Variants in ZBTB22 observed in about 807,000 individuals in gnomAD.
The protein encoded by ZBTB22 is zinc finger and BTB domain-containing protein 22.
For missense variants in ZBTB22, 668 were observed against 834.1 expected (o/e 0.80, Z 2.45); for synonymous variants, 356 against 347.3 (o/e 1.03, Z -0.28).
In ZBTB22 at chr6:33,314,918, G is replaced by A. The variant is rs532722200; in HGVS notation, c.*94C>T. ...CCACAGAGATAAAGGAAGACAGTAA[G>A]TGTGGTGGGAGATCACCCGGGGGCC... On this transcript the variant is annotated 3_prime_UTR_variant, in exon 2 of 2. Coordinates refer to ENST00000431845, the MANE Select transcript of ZBTB22 (RefSeq NM_005453.5). The A allele has an allele frequency of 1.5e-5, 22 of 1,501,212 alleles. No individual in the cohort carries two copies. In the East Asian group the frequency reaches 2.1e-4, roughly 14 times the overall value. 93.0% of individuals were successfully genotyped at this position (1,501,212 alleles called of 1,614,324 possible).
rs1205974326 is a variant in ZBTB22, at chr6:33,315,154, G to A, written c.1763C>T (p.Ser588Phe). ...GCCCACTCCGGGAGACTCTCTCTTG[G>A]ACGGCAAGGATGGCCCCGTGGGAGT... ...PGTPTGPSLP[S>F]KRESPGVGGG... Residue 588 changes from serine to phenylalanine, a missense_variant, in exon 2 of 2, where the codon TCC becomes TTC. By Grantham distance (155) the Ser-to-Phe change is radical (BLOSUM62 -2). Transcript: ENST00000431845. The surrounding 1 kb of genome is among the most constrained non-coding windows in gnomAD (Gnocchi z 5.4). 1 of 1,613,170 alleles carries A rather than the reference G, an allele frequency of 6.2e-7. No homozygotes were observed. Among genetic ancestry groups the A allele is most frequent in the Non-Finnish European group, 8.5e-7 (1 of 1,179,520 alleles).
chr6:33,315,446 C>T lies in ZBTB22; in HGVS notation c.1471G>A (p.Gly491Arg). The change falls in exon 2 of 2, where the codon GGG becomes AGG. Residue 491 changes from glycine (G) to arginine (R), a missense_variant. Gly to Arg is a moderately radical substitution (Grantham distance 125, BLOSUM62 -2). Transcript: ENST00000431845. This position sits in a 1 kb window ranked among gnomAD's most constrained non-coding sequence, Gnocchi z 5.4. The stretch of plus-strand genomic sequence containing the variant: ...ATGCTCTTGTGGGAGAAGGCCTTCC[C>T]ACAATGGCACAGAAAGATCTTATTC... Reference protein sequence around the residue: ...DGNKIFLCHCGKAFSHKSMRD... With the variant: ...DGNKIFLCHCRKAFSHKSMRD... 6.2e-7 allele frequency: 1 copy of T among 1,614,138 alleles called. No homozygotes were observed. The highest frequency in any genetic ancestry group is 8.5e-7 in the Non-Finnish European group (1 of 1,180,020).
intron 1 of ZBTB22, 60 bp from the exon 2 acceptor site, chr6:33,317,045 A>G (rs935231280): frequency 2.6e-6 from 3 of 1,173,970 alleles, no homozygotes; most frequent in Non-Finnish European, 3.5e-6. Context: ...GCCCGTTACA[A>G]CTCAAAAATA....
rs899495466 is a variant in ZBTB22 at position 33,314,958 on chromosome 6, T to C, written c.*54A>G. 4.6e-6 allele frequency: 7 copies of C among 1,514,304 alleles called. No homozygotes were observed. In the African/African-American group the frequency reaches 7.0e-5, roughly 15 times the overall value. 93.8% of individuals were successfully genotyped at this position (1,514,304 alleles called of 1,614,324 possible). A position where few individuals can be genotyped will look rare whatever the true frequency, so the allele number is the denominator to read the frequency against. Reference sequence around the variant, plus strand: ...ACCCGGGGGCCACAGCGCCCTTGCATCGTGCTCCTTATTCCCTTTCCCGAA... The same window carrying C: ...ACCCGGGGGCCACAGCGCCCTTGCACCGTGCTCCTTATTCCCTTTCCCGAA... On this transcript the variant is annotated 3_prime_UTR_variant, in exon 2 of 2. Transcript: ENST00000431845.
chr6:33,314,864 G>T lies in ZBTB22; in HGVS notation c.*148C>A. The T allele has an allele frequency of 7.2e-7, 1 of 1,393,282 alleles. No homozygotes were observed. Among genetic ancestry groups the T allele is most frequent in the Non-Finnish European group, 9.4e-7 (1 of 1,062,826 alleles). The allele number at this position is 1,393,282 out of a possible 1,614,324, so 86.3% of individuals were successfully genotyped here. On this transcript the variant is annotated 3_prime_UTR_variant, in exon 2 of 2. Transcript: ENST00000431845. ...AGAATGGGCGGGCGATGGTGAAACT[G>T]TGGTTCCCCTTCCAGAATATATACA... is the stretch of plus-strand genomic sequence containing the variant.
In ZBTB22 at chr6:33,316,887, C is replaced by T; in HGVS notation, c.30G>A (p.Gly10=). Residue 10 remains glycine (G), a synonymous_variant, in exon 2 of 2, where the codon GGG becomes GGA. Coordinates refer to ENST00000431845, the MANE Select transcript of ZBTB22 (RefSeq NM_005453.5). The surrounding 1 kb of genome is among the most constrained non-coding windows in gnomAD (Gnocchi z 7.2). The part of the protein sequence containing the change: MEPSPLSPS[G]AALPLPLSLA... The stretch of plus-strand genomic sequence containing the variant: ...GCGACAGCGGCAGGGGAAGTGCTGC[C>T]CCACTGGGAGACAGAGGAGATGGCT... 1 of 1,609,678 alleles carries T rather than the reference C, an allele frequency of 6.2e-7. No individual in the cohort carries two copies. The highest frequency in any genetic ancestry group is 1.1e-5 in the South Asian group (1 of 90,568).
In ZBTB22 at chr6:33,316,127, G is replaced by A. The variant is rs763084300; in HGVS notation, c.790C>T (p.Leu264=). The change falls in exon 2 of 2, where the codon CTG becomes TTG. Residue 264 remains leucine (L), a synonymous_variant. Transcript: ENST00000431845. This position sits in a 1 kb window ranked among gnomAD's most constrained non-coding sequence, Gnocchi z 7.2. ...SGKLLLEADE[L]CDDGGDGRGA... is the part of the protein sequence containing the mutation. ...CTCCCATCCCCACCATCATCGCACAGCTCATCTGCCTCCAGCAGCAGCTTT... is the reference window on the plus strand; with the variant it reads ...CTCCCATCCCCACCATCATCGCACAACTCATCTGCCTCCAGCAGCAGCTTT... 1 of 1,613,524 alleles carries A rather than the reference G, an allele frequency of 6.2e-7. No homozygotes were observed. Among genetic ancestry groups the A allele is most frequent in the Admixed American group, 1.7e-5 (1 of 60,022 alleles).
At chr6:33,317,467 T>G (rs1400588061) in intron 1 of ZBTB22, among the ~76,000 whole-genome samples, 186 bp downstream of exon 1, 2 of 107,136 alleles carry the variant, frequency 1.9e-5, no homozygotes, top group African/African-American at 7.3e-5. Flanking sequence ...TCGCCCCAGC[T>G]TCTCTAGCCC....
At position 33,317,068 on chromosome 6, in the gene ZBTB22, T is replaced by C; in HGVS notation, c.-69-83A>G. ...CAACTCAAAAATATGTTCACGCTCA[T>C]TATCTGTGTAACTCCCCACAACAGT... is the stretch of plus-strand genomic sequence containing the variant. On this transcript the variant is annotated intron_variant, in intron 1 of 1. Transcript: ENST00000431845. 7 of 957,156 alleles carry C rather than the reference T, an allele frequency of 7.3e-6. No individual in the cohort carries two copies. In the South Asian group the frequency reaches 1.1e-4, roughly 15 times the overall value. The allele number at this position is 957,156 out of a possible 1,614,324, so 59.3% of individuals were successfully genotyped here. A position where few individuals can be genotyped will look rare whatever the true frequency, so the allele number is the denominator to read the frequency against.
chr6:33,314,918 G>C lies in ZBTB22; in HGVS notation c.*94C>G. 2.0e-6 allele frequency: 3 copies of C among 1,501,212 alleles called. No individual in the cohort carries two copies. Among genetic ancestry groups the C allele is most frequent in the Non-Finnish European group, 2.7e-6 (3 of 1,124,718 alleles). The allele number at this position is 1,501,212 out of a possible 1,614,324, so 93.0% of individuals were successfully genotyped here. ...CCACAGAGATAAAGGAAGACAGTAAGTGTGGTGGGAGATCACCCGGGGGCC... is the reference window on the plus strand; with the variant it reads ...CCACAGAGATAAAGGAAGACAGTAACTGTGGTGGGAGATCACCCGGGGGCC... On this transcript the variant is annotated 3_prime_UTR_variant, in exon 2 of 2. Coordinates refer to ENST00000431845, the MANE Select transcript of ZBTB22 (RefSeq NM_005453.5).
Position 33,315,586 on chromosome 6 carries a change from G to T in ZBTB22, c.1331C>A (p.Pro444Gln), listed in dbSNP as rs112804383. The change falls in exon 2 of 2, where the codon CCA (proline) becomes CAA (glutamine). Residue 444 changes from proline to glutamine, a missense_variant. By Grantham distance (76) the Pro-to-Gln change is moderately conservative. Coordinates refer to ENST00000431845, the MANE Select transcript of ZBTB22 (RefSeq NM_005453.5). The surrounding 1 kb of genome is among the most constrained non-coding windows in gnomAD (Gnocchi z 5.4). ...SSSSSQAPGQ[P>Q]PGNQAEHGAV... ...CCCGTGTTCTGCTTGGTTCCCTGGT[G>T]GTTGGCCAGGAGCCTGTGAGGATGA... The T allele has an allele frequency of 1.9e-4, 299 of 1,613,984 alleles. 3 individuals carry two copies. In the African/African-American group the frequency reaches 3.4e-3, roughly 18 times the overall value.
chr6:33,315,116 C>T lies in ZBTB22; in HGVS notation c.1801G>A (p.Asp601Asn). The change falls in exon 2 of 2, where the codon GAC (aspartate) becomes AAC (asparagine). Residue 601 changes from aspartate (D) to asparagine (N), a missense_variant. Coordinates refer to ENST00000431845, the MANE Select transcript of ZBTB22 (RefSeq NM_005453.5). The surrounding 1 kb of genome is among the most constrained non-coding windows in gnomAD (Gnocchi z 5.4). Reference protein sequence around the residue: ...ESPGVGGGSGDEASAATPPSS... With the variant: ...ESPGVGGGSGNEASAATPPSS... ...GGGGGCGTGGCCGCACTCGCTTCGT[C>T]GCCGCTGCCCCCGCCCACTCCGGGA... 2 of 1,612,060 alleles carry T rather than the reference C, an allele frequency of 1.2e-6. No individual in the cohort carries two copies. The highest frequency in any genetic ancestry group is 1.7e-6 in the Non-Finnish European group (2 of 1,178,508).
At chr6:33,317,542 G>A (rs1293694988) in intron 1 of ZBTB22, 111 bp downstream of exon 1, 1 of 85,974 alleles carries the variant, frequency 1.2e-5, no homozygotes, top group Non-Finnish European at 2.2e-5. Flanking sequence ...CCCGCCCCTT[G>A]TCTACCTCCG....
rs145171577 is a variant in ZBTB22, at chr6:33,316,338, G to C, written c.579C>G (p.Ala193=). Residue 193 remains alanine, a synonymous_variant, in exon 2 of 2, where the codon GCC becomes GCG. Coordinates refer to ENST00000431845, the MANE Select transcript of ZBTB22 (RefSeq NM_005453.5). This position sits in a 1 kb window ranked among gnomAD's most constrained non-coding sequence, Gnocchi z 7.2. The stretch of plus-strand genomic sequence containing the variant: ...ATTGATTCTCACTGGCCCGGCTGGA[G>C]GCATGGGAGCGCGCAGAGCCCATGG... ...PATMGSARSH[A]SSRASENQSP... 1.8e-5 allele frequency: 29 copies of C among 1,613,802 alleles called. No individual in the cohort carries two copies. The highest frequency in any genetic ancestry group is 2.4e-5 in the Non-Finnish European group (28 of 1,179,984).
rs1464876624 is a variant in ZBTB22, at chr6:33,314,902, T to C, written c.*110A>G. On this transcript the variant is annotated 3_prime_UTR_variant, in exon 2 of 2. Transcript: ENST00000431845. ...CAGAATATATACAAGTCCACAGAGA[T>C]AAAGGAAGACAGTAAGTGTGGTGGG... 3.4e-6 allele frequency: 5 copies of C among 1,481,334 alleles called. No individual in the cohort carries two copies. The highest frequency in any genetic ancestry group is 1.4e-5 in the African/African-American group (1 of 70,422). The allele number at this position is 1,481,334 out of a possible 1,614,324, so 91.8% of individuals were successfully genotyped here. A position where few individuals can be genotyped will look rare whatever the true frequency, so the allele number is the denominator to read the frequency against.
Position 33,316,632 on chromosome 6 carries a change from C to T in ZBTB22, c.285G>A (p.Ser95=), listed in dbSNP as rs749835157. ...QVLLKGMTSI[S]LPSVMDPGAF... is the part of the protein sequence containing the mutation. ...CGCCTGGGTCCATGACACTGGGCAG[C>T]GAGATGGAGGTCATGCCTTTGAGTA... The change falls in exon 2 of 2, where the codon TCG becomes TCA. Residue 95 remains serine (S), a synonymous_variant. Coordinates refer to ENST00000431845, the MANE Select transcript of ZBTB22 (RefSeq NM_005453.5). The surrounding 1 kb of genome is among the most constrained non-coding windows in gnomAD (Gnocchi z 7.2). 4.3e-6 allele frequency: 7 copies of T among 1,614,048 alleles called. No homozygotes were observed. Among genetic ancestry groups the T allele is most frequent in the East Asian group, 4.5e-5 (2 of 44,902 alleles).
chr6:33,316,947 A>C lies in ZBTB22; in HGVS notation c.-31T>G, dbSNP rs1769922369. ...GGAGGGAGGGGATACCCCCCCAGCCACAGGAACAAAGAAAGGAGGAGGGCG... is the reference window on the plus strand; with the variant it reads ...GGAGGGAGGGGATACCCCCCCAGCCCCAGGAACAAAGAAAGGAGGAGGGCG... On this transcript the variant is annotated 5_prime_UTR_variant, in exon 2 of 2. Transcript: ENST00000431845. The surrounding 1 kb of genome is among the most constrained non-coding windows in gnomAD (Gnocchi z 7.2). The C allele has an allele frequency of 6.5e-7, 1 of 1,530,248 alleles. No individual in the cohort carries two copies. The allele number at this position is 1,530,248 out of a possible 1,614,324, so 94.8% of individuals were successfully genotyped here. A position where few individuals can be genotyped will look rare whatever the true frequency, so the allele number is the denominator to read the frequency against.
At position 33,314,814 on chromosome 6, in the gene ZBTB22, C is replaced by G; in HGVS notation, c.*198G>C. The G allele has an allele frequency of 1.8e-6, 2 of 1,098,694 alleles. No individual in the cohort carries two copies. The highest frequency in any genetic ancestry group is 2.5e-6 in the Non-Finnish European group (2 of 808,642). The allele number at this position is 1,098,694 out of a possible 1,614,324, so 68.1% of individuals were successfully genotyped here. A position where few individuals can be genotyped will look rare whatever the true frequency, so the allele number is the denominator to read the frequency against. ...AAGGAAGGGTTTAGTTCTGGAAATA[C>G]CTTGGGGGGGAGGGGTTGAGTAGTA... On this transcript the variant is annotated 3_prime_UTR_variant, in exon 2 of 2. Coordinates refer to ENST00000431845, the MANE Select transcript of ZBTB22 (RefSeq NM_005453.5).
In ZBTB22 at chr6:33,316,958, G is replaced by A. The variant is rs961638471; in HGVS notation, c.-42C>T. On this transcript the variant is annotated 5_prime_UTR_variant, in exon 2 of 2. Coordinates refer to ENST00000431845, the MANE Select transcript of ZBTB22 (RefSeq NM_005453.5). This position sits in a 1 kb window ranked among gnomAD's most constrained non-coding sequence, Gnocchi z 7.2. ...ATACCCCCCCAGCCACAGGAACAAA[G>A]AAAGGAGGAGGGCGGCCGGGGGGGT... 4 of 1,517,996 alleles carry A rather than the reference G, an allele frequency of 2.6e-6. No individual in the cohort carries two copies. The highest frequency in any genetic ancestry group is 2.6e-6 in the Non-Finnish European group (3 of 1,136,738). 94.0% of individuals were successfully genotyped at this position (1,517,996 alleles called of 1,614,324 possible).
Sources: allele counts gnomAD v4.1 joint callset (sites outside exome capture counted in the v4.1 genomes callset), GRCh38; gene constraint gnomAD v4.1.1; non-coding constraint Gnocchi (gnomAD v3.1); transcripts MANE v1.5; gene names NCBI Gene and HGNC (gene_info 2026-07-23, HGNC 2026-07-21).